Variants in FAM9B observed in about 807,000 individuals in gnomAD.
The protein encoded by FAM9B is family with sequence similarity 9 member B, also known as protein FAM9B.
In FAM9B, 18 loss-of-function variants were observed where a neutral mutation model predicts 16.6. The observed-to-expected ratio is 1.09, with a 90% CI of 0.75 to 1.61. FAM9B has a LOEUF of 1.61. Ranked by LOEUF, FAM9B falls within the 40% of genes most tolerant of loss-of-function variation. The probability of loss-of-function intolerance (pLI) is 0.00; values close to 1 mark genes in which losing one functional copy is unlikely to be tolerated. For synonymous variants in FAM9B, 43 were observed against 42.6 expected, an observed-to-expected ratio of 1.01 and a Z score of -0.03; for missense variants, 155 against 136.0, an observed-to-expected ratio of 1.14 and a Z score of -0.70.
At chrX:9,032,552 TTG>T in intron 2 of FAM9B, 91 bp from the exon 3 acceptor site, 13 of 313,730 alleles carry the variant, frequency 4.1e-5, no homozygotes, top group South Asian at 2.6e-4. Context: ...GTAGACTTTT[TTG>T]GGGGGGGGGG....
At position 9,027,940 on chromosome X, in the gene FAM9B, C is replaced by T; in HGVS notation, c.420G>A (p.Lys140=). 1 of 1,209,195 alleles carries T rather than the reference C, an allele frequency of 8.3e-7. No individual in the cohort carries two copies. Among genetic ancestry groups the T allele is most frequent in the South Asian group, 1.8e-5 (1 of 56,756 alleles). ...TCCTAACACTTCTATATTGTTGCCA[C>T]TTCTTCTGTTGTTCTTGAAATATTC... The part of the protein sequence containing the change: ...LIRIFQEQQK[K]WQQYRSVRRE... The change falls in exon 7 of 9, where the codon AAG becomes AAA. Residue 140 remains lysine, a synonymous_variant. Coordinates refer to ENST00000327220, the MANE Select transcript of FAM9B (RefSeq NM_205849.3).
chrX:9,030,185 T>C, intron 5 of FAM9B, 76 bp downstream of exon 5: 1 of 1,160,244 alleles, frequency 8.6e-7, no homozygotes, highest in Non-Finnish European at 1.2e-6. Context: ...TACAGGATAG[T>C]TTTTGAAATT....
At chrX:9,025,439 G>T in intron 8 of FAM9B, 45 bp downstream of exon 8, 1 of 867,626 alleles carries the variant, frequency 1.2e-6, no homozygotes, top group Non-Finnish European at 1.6e-6. Flanking sequence ...ATATTCCAGT[G>T]CTACATCAAT....
Position 9,030,272 on chromosome X carries a change from C to T in FAM9B, c.270G>A (p.Lys90=). 2 of 1,197,991 alleles carry T rather than the reference C, an allele frequency of 1.7e-6. No homozygotes were observed. Among genetic ancestry groups the T allele is most frequent in the Non-Finnish European group, 2.2e-6 (2 of 889,084 alleles). The part of the protein sequence containing the change: ...KNKSKHALRK[K]QLKRQKRDYI... The stretch of plus-strand genomic sequence containing the variant: ...GCCAACAGTCATACCTTTTAAGTTG[C>T]TTTTTTCTCAAAGCATGTTTACTTT... Residue 90 remains lysine (K), a synonymous_variant, in exon 5 of 9, where the codon AAG becomes AAA. Coordinates refer to ENST00000327220, the MANE Select transcript of FAM9B (RefSeq NM_205849.3).
chrX:9,033,821 C>T (rs1365891385), intron 1 of FAM9B, 31 bp downstream of exon 1: 1 of 752,938 alleles, frequency 1.3e-6, no homozygotes, highest in Non-Finnish European at 1.6e-6. Context: ...CTCGTGCCTG[C>T]GTTCCCGCCT....
rs763029165 is a variant in FAM9B, at chrX:9,025,469, A to G, written c.*31+15T>C. On this transcript the variant is annotated intron_variant, in intron 8 of 8. Transcript: ENST00000327220. ...ATCAATCCTGAGTTTTTAATATTAAATATGCACTACTTACAGTTCTGACAT... is the reference window on the plus strand; with the variant it reads ...ATCAATCCTGAGTTTTTAATATTAAGTATGCACTACTTACAGTTCTGACAT... 1.0e-6 allele frequency: 1 copy of G among 999,409 alleles called. No homozygotes were observed. The highest frequency in any genetic ancestry group is 2.2e-5 in the South Asian group (1 of 45,068). 82.4% of individuals were successfully genotyped at this position (999,409 alleles called of 1,213,427 possible).
At chrX:9,033,705 A>ACACCCC in intron 1 of FAM9B, 147 bp downstream of exon 1, 8 of 32,554 alleles carry the variant, frequency 2.5e-4, no homozygotes, top group Non-Finnish European at 3.1e-4. Flanking sequence ...ACCCTAGCCC[A>ACACCCC]CCCTCAGGGC....
chrX:9,033,777 T>C (rs1754933901), intron 1 of FAM9B, 75 bp downstream of exon 1: 2 of 737,511 alleles, frequency 2.7e-6, no homozygotes, highest in Non-Finnish European at 3.1e-6. Context: ...GTCGGCGGGC[T>C]GCCCAGCGCT....
rs770902868 is a variant in FAM9B at position 9,032,966 on chromosome X, C to A, written c.21G>T (p.Lys7Asn). Residue 7 changes from lysine (K) to asparagine (N), a missense_variant, in exon 2 of 9, where the codon AAG (lysine) becomes AAT (asparagine). Transcript: ENST00000327220. MAAWGK[K>N]HAGKDPVRDE... Reference sequence around the variant, plus strand: ...CCCTTGGGCTGTATTTACCTGCATGCTTCTTCCCCCAGGCCGCCATAAATT... The same window carrying A: ...CCCTTGGGCTGTATTTACCTGCATGATTCTTCCCCCAGGCCGCCATAAATT... 8.3e-7 allele frequency: 1 copy of A among 1,211,758 alleles called. No individual in the cohort carries two copies. Among genetic ancestry groups the A allele is most frequent in the South Asian group, 1.8e-5 (1 of 56,977 alleles).
intron 2 of FAM9B, chrX:9,032,757 T>TGAGGGGGAGCCTTCC (rs1317904080): frequency 1.7e-6 from 1 of 579,586 alleles, no homozygotes; most frequent in Non-Finnish European, 2.6e-6. Flanking sequence ...AACCCTGCTA[T>TGAGGGGGAGCCTTCC]GAGGGGGAGC....
chrX:9,026,937 T>C (rs1367783199), intron 7 of FAM9B, among the ~76,000 whole-genome samples: 2 of 111,770 alleles, frequency 1.8e-5, no homozygotes, highest in East Asian at 5.6e-4. Context: ...TTTCAAACTC[T>C]TTTCCCAGTT....
chrX:9,032,380 C>G lies in FAM9B; in HGVS notation c.110G>C (p.Gly37Ala). 1 of 1,211,678 alleles carries G rather than the reference C, an allele frequency of 8.3e-7. No individual in the cohort carries two copies. Among genetic ancestry groups the G allele is most frequent in the Non-Finnish European group, 1.1e-6 (1 of 895,507 alleles). ...TGTTTCAGCAAAAGGTTCTCTTTCC[C>G]CATGCTCATCAGTTACATCTTCCTC... ...TREEDVTDEH[G>A]EREPFAETDE... Residue 37 changes from glycine to alanine, a missense_variant, in exon 3 of 9, where the codon GGG (glycine) becomes GCG (alanine). By Grantham distance (60) the Gly-to-Ala change is moderately conservative. Coordinates refer to ENST00000327220, the MANE Select transcript of FAM9B (RefSeq NM_205849.3).
At chrX:9,027,021 C>T (rs1920973815) in intron 7 of FAM9B, among the ~76,000 whole-genome samples, 1 of 111,638 alleles carries the variant, frequency 9.0e-6, no homozygotes, top group Non-Finnish European at 1.9e-5. Context: ...AAAAAGAATA[C>T]CAGATCTCCC....
intron 1 of FAM9B, chrX:9,033,475 C>T (rs1326772817): frequency 4.0e-6 from 2 of 495,215 alleles, no homozygotes. Flanking sequence ...GCACAGGGGA[C>T]CCCCGGTGAC....
rs988227074 is a variant in FAM9B at position 9,024,943 on chromosome X, A to G, written c.*466T>C. The G allele has an allele frequency of 3.6e-5, 4 of 112,481 alleles. No individual in the cohort carries two copies. The highest frequency in any genetic ancestry group is 1.3e-4 in the African/African-American group (4 of 30,962). 9.3% of individuals were successfully genotyped at this position (112,481 alleles called of 1,213,427 possible). On this transcript the variant is annotated 3_prime_UTR_variant, in exon 9 of 9. Transcript: ENST00000327220. The stretch of plus-strand genomic sequence containing the variant: ...GTGATCCACTCCCCTCGGCCTCCCA[A>G]AGTGCTGGGATTACAGGCGTGAGCC...
intron 2 of FAM9B, 38 bp downstream of exon 2, chrX:9,032,921 C>T: frequency 3.3e-6 from 4 of 1,206,074 alleles, no homozygotes; most frequent in Middle Eastern, 4.6e-4. Flanking sequence ...TCCTCTTGGG[C>T]GTGCACCTTC....
At chrX:9,032,010 A>G (rs953761140) in intron 4 of FAM9B, 120 bp downstream of exon 4, 1 of 564,733 alleles carries the variant, frequency 1.8e-6, no homozygotes, top group African/African-American at 2.3e-5. Flanking sequence ...CGTACGTTAA[A>G]TGCTACATAT....
chrX:9,027,984 AAT>A lies in FAM9B; in HGVS notation c.394-20_394-19del. On this transcript the variant is annotated intron_variant, in intron 6 of 8. Coordinates refer to ENST00000327220, the MANE Select transcript of FAM9B (RefSeq NM_205849.3). Reference sequence around the variant, plus strand: ...AATATTCTCTAGAATCCCAAAACAAAATAGTGATAAAAATTGGGTAAATTTTA... The same window carrying A: ...AATATTCTCTAGAATCCCAAAACAAAAGTGATAAAAATTGGGTAAATTTTA... 1 of 1,109,817 alleles carries A rather than the reference AAT, an allele frequency of 9.0e-7. No individual in the cohort carries two copies. Among genetic ancestry groups the A allele is most frequent in the Non-Finnish European group, 1.2e-6 (1 of 806,087 alleles). The allele number at this position is 1,109,817 out of a possible 1,213,427, so 91.5% of individuals were successfully genotyped here. A position where few individuals can be genotyped will look rare whatever the true frequency, so the allele number is the denominator to read the frequency against.
chrX:9,030,450 C>A (rs1921037049), intron 4 of FAM9B, 90 bp from the exon 5 acceptor site: 5 of 592,355 alleles, frequency 8.4e-6, no homozygotes, highest in Non-Finnish European at 1.2e-5. Flanking sequence ...CAATATGGGA[C>A]TTTATGGTTC....
Sources: gnomAD v4.1 joint callset for allele counts (sites outside exome capture counted in the v4.1 genomes callset) on GRCh38, gnomAD v4.1.1 for gene constraint, MANE v1.5 for transcripts, NCBI Gene and HGNC (gene_info 2026-07-23, HGNC 2026-07-21) for gene names.